Variants in LPAR3 observed in about 807,000 individuals in gnomAD.
The protein encoded by LPAR3 is lysophosphatidic acid receptor 3.
A neutral mutation model predicts 17.8 loss-of-function variants in LPAR3; 7 were observed. The ratio of observed to expected loss-of-function variants is 0.39; its 90% CI spans 0.22 to 0.74. The LOEUF (loss-of-function observed/expected upper bound fraction) is 0.74. Among genes scored for constraint, LPAR3 ranks in the 30% least tolerant of loss-of-function variants. The pLI is 0.40. For synonymous variants in LPAR3, 179 were observed against 179.9 expected, an observed-to-expected ratio of 0.99 and a Z score of 0.04; for missense variants, 391 against 453.4, an observed-to-expected ratio of 0.86 and a Z score of 1.25.
intron 2 of LPAR3, among the ~76,000 whole-genome samples, chr1:84,843,434 T>C (rs893827710): frequency 6.6e-6 from 1 of 152,260 alleles, no homozygotes; most frequent in Non-Finnish European, 1.5e-5. Context: ...TTTAATGAAC[T>C]GGGTTCTTAC....
In LPAR3 at chr1:84,835,801, C is replaced by G. The variant is rs549638260; in HGVS notation, c.737-21630G>C. ...AACTGTTCAGTTATTGATGAATCTC[C>G]TAACTGTTCTAGCACCCTGCCCACA... On this transcript the variant is annotated intron_variant, in intron 2 of 2. Coordinates refer to ENST00000370611, the MANE Select transcript of LPAR3 (RefSeq NM_012152.3). Among the ~76,000 whole-genome samples the G allele has an allele frequency of 9.2e-5, 14 of 152,170 alleles. No individual in the cohort carries two copies. The South Asian group carries it at 2.9e-3, about 32-fold the overall frequency.
At chr1:84,874,636 A>G (rs1355790289) in intron 1 of LPAR3, among the ~76,000 whole-genome samples, 1 of 152,246 alleles carries the variant, frequency 6.6e-6, no homozygotes, top group Non-Finnish European at 1.5e-5. Context: ...TTATCCAAAC[A>G]TAACACAAAT....
At chr1:84,859,869 A>G (rs996965932) in intron 2 of LPAR3, among the ~76,000 whole-genome samples, 1 of 152,240 alleles carries the variant, frequency 6.6e-6, no homozygotes, top group Non-Finnish European at 1.5e-5. Context: ...CTGTGTGCAC[A>G]GTTCACATGG....
intron 2 of LPAR3, among the ~76,000 whole-genome samples, chr1:84,841,718 C>T (rs1242292465): frequency 6.6e-6 from 1 of 152,180 alleles, no homozygotes; most frequent in Non-Finnish European, 1.5e-5. Context: ...TCCATTCATA[C>T]GGTAACACAG....
chr1:84,857,632 CTT>C (rs1557601028), intron 2 of LPAR3, among the ~76,000 whole-genome samples: 1 of 152,192 alleles, frequency 6.6e-6, no homozygotes, highest in Non-Finnish European at 1.5e-5. Flanking sequence ...GAGCATGTGA[CTT>C]TACAGAAATG....
At chr1:84,858,143 C>T (rs750116393) in intron 2 of LPAR3, among the ~76,000 whole-genome samples, 13 of 152,042 alleles carry the variant, frequency 8.6e-5, no homozygotes, top group African/African-American at 1.4e-4. Context: ...ATAATACTAT[C>T]GCTTAACCTT....
intron 2 of LPAR3, among the ~76,000 whole-genome samples, chr1:84,826,155 AATATATACATATTATATGTAT>A (rs1433727235): frequency 2.6e-5 from 4 of 151,204 alleles, no homozygotes; most frequent in South Asian, 2.1e-4. Flanking sequence ...AGCAACATAT[AATATATACATATTATATGTAT>A]ATATATACAT....
intron 1 of LPAR3, among the ~76,000 whole-genome samples, chr1:84,892,676 A>T (rs1660574549): frequency 6.6e-6 from 1 of 152,214 alleles, no homozygotes; most frequent in Non-Finnish European, 1.5e-5. Context: ...GGAAAGAACC[A>T]CGTGTGCAAA....
intron 2 of LPAR3, among the ~76,000 whole-genome samples, chr1:84,858,856 C>T (rs1437131125): frequency 1.3e-5 from 2 of 152,180 alleles, no homozygotes; most frequent in East Asian, 1.9e-4. Flanking sequence ...ACAAGACTGA[C>T]AGGCAGCCCA....
intron 1 of LPAR3, among the ~76,000 whole-genome samples, chr1:84,868,881 G>A (rs969722687): frequency 1.3e-4 from 19 of 151,932 alleles, no homozygotes; most frequent in African/African-American, 4.6e-4. Context: ...TTTTATTATT[G>A]CAACAGGAAT....
chr1:84,866,123 T>C lies in LPAR3; in HGVS notation c.-3A>G. The stretch of plus-strand genomic sequence containing the variant: ...TTGTCATAGTGACACTCATTCATTG[T>C]GGAGAAGTGAACATCCTAGAAAGAA... On this transcript the variant is annotated 5_prime_UTR_variant, in exon 2 of 3. Transcript: ENST00000370611. 1 of 1,398,238 alleles carries C rather than the reference T, an allele frequency of 7.2e-7. No homozygotes were observed. Among genetic ancestry groups the C allele is most frequent in the Non-Finnish European group, 9.4e-7 (1 of 1,062,442 alleles). 86.6% of individuals were successfully genotyped at this position (1,398,238 alleles called of 1,614,324 possible).
chr1:84,873,506 G>A (rs530635472), intron 1 of LPAR3, among the ~76,000 whole-genome samples: 1 of 152,282 alleles, frequency 6.6e-6, no homozygotes, highest in East Asian at 1.9e-4. Context: ...AATAAACAGA[G>A]GAGTGGCAAT....
chr1:84,892,820 G>A (rs1660577140), intron 1 of LPAR3, among the ~76,000 whole-genome samples, 196 bp downstream of exon 1: 1 of 152,216 alleles, frequency 6.6e-6, no homozygotes, highest in South Asian at 2.1e-4. Flanking sequence ...AAAAGAGCAA[G>A]TTGTGCCATA....
intron 1 of LPAR3, among the ~76,000 whole-genome samples, chr1:84,886,483 G>A (rs781130784): frequency 3.9e-5 from 6 of 152,108 alleles, no homozygotes; most frequent in African/African-American, 9.7e-5. Context: ...CTATGATCAC[G>A]CCACTGCACT....
chr1:84,866,015 C>A lies in LPAR3; in HGVS notation c.106G>T (p.Val36Phe). 6.2e-7 allele frequency: 1 copy of A among 1,614,188 alleles called. No individual in the cohort carries two copies. The highest frequency in any genetic ancestry group is 8.5e-7 in the Non-Finnish European group (1 of 1,180,028). The change falls in exon 2 of 3, where the codon GTT (valine) becomes TTT (phenylalanine). Residue 36 changes from valine (V) to phenylalanine (F), a missense_variant. Physicochemically the swap from Val to Phe is conservative, Grantham distance 50 (BLOSUM62 -1). Transcript: ENST00000370611. ...TGTKLVIVLCVGTFFCLFIFF... is the reference protein window; with the variant it reads ...TGTKLVIVLCFGTFFCLFIFF... ...ATAAACAGGCAGAAAAACGTCCCAACACACAAAACAATCACAAGCTTTGTT... is the reference window on the plus strand; with the variant it reads ...ATAAACAGGCAGAAAAACGTCCCAAAACACAAAACAATCACAAGCTTTGTT...
intron 2 of LPAR3, among the ~76,000 whole-genome samples, chr1:84,821,291 A>C (rs1417047690): frequency 6.6e-6 from 1 of 152,094 alleles, no homozygotes; most frequent in Non-Finnish European, 1.5e-5. Context: ...TCTCATCTTC[A>C]TACTCCAAAC....
chr1:84,843,668 C>G (rs185961275), intron 2 of LPAR3, among the ~76,000 whole-genome samples: 47 of 152,388 alleles, frequency 3.1e-4, no homozygotes, highest in African/African-American at 1.1e-3. Flanking sequence ...CTAATAACAT[C>G]ACTTTTCTAA....
At chr1:84,879,497 G>C (rs982570161) in intron 1 of LPAR3, among the ~76,000 whole-genome samples, 1 of 151,738 alleles carries the variant, frequency 6.6e-6, no homozygotes, top group African/African-American at 2.4e-5. Context: ...ATTTTTGGTA[G>C]AGACAGGGTT....
chr1:84,858,372 T>C (rs1659869444), intron 2 of LPAR3, among the ~76,000 whole-genome samples: 1 of 150,114 alleles, frequency 6.7e-6, no homozygotes, highest in South Asian at 2.1e-4. Context: ...TAATCCCAAC[T>C]ATTCAGGAGG....
Sources: allele counts gnomAD v4.1 joint callset (sites outside exome capture counted in the v4.1 genomes callset), GRCh38; gene constraint gnomAD v4.1.1; transcripts MANE v1.5; gene names NCBI Gene and HGNC (gene_info 2026-07-23, HGNC 2026-07-21).